Variants in EFL1 observed in about 807,000 individuals in gnomAD.
EFL1 encodes elongation factor like GTPase 1.
EFL1 carries 76 observed loss-of-function variants against 126.7 expected under a neutral mutation model. The observed-to-expected ratio is 0.60, with a 90% CI of 0.50 to 0.73. EFL1 has a LOEUF of 0.73. Among genes scored for constraint, EFL1 ranks in the 30% least tolerant of loss-of-function variants. The pLI, the probability that EFL1 is intolerant of heterozygous loss-of-function variation, is 0.00. For missense variants in EFL1, 1,128 were observed against 1,343.2 expected (o/e 0.84, Z 2.50); for synonymous variants, 410 against 448.4 (o/e 0.91, Z 1.08).
rs1363897804 is a variant in EFL1, at chr15:82,243,824, A to G, written c.245-2421T>C. Among the ~76,000 whole-genome samples the G allele has an allele frequency of 3.9e-5, 6 of 152,100 alleles. No homozygotes were observed. In the Middle Eastern group the frequency reaches 0.01, roughly 259 times the overall value. On this transcript the variant is annotated intron_variant, in intron 4 of 19. Coordinates refer to ENST00000268206, the MANE Select transcript of EFL1 (RefSeq NM_024580.6). ...ATTCATTCAGGAAGGGCAGGTTCAGATCTAGAGAGGAACTGAAAGCTAGAG... is the reference window on the plus strand; with the variant it reads ...ATTCATTCAGGAAGGGCAGGTTCAGGTCTAGAGAGGAACTGAAAGCTAGAG...
chr15:82,205,713 G>C (rs763209693), intron 15 of EFL1, among the ~76,000 whole-genome samples: 1 of 152,136 alleles, frequency 6.6e-6, no homozygotes, highest in African/African-American at 2.4e-5. Flanking sequence ...TCATTTAAGA[G>C]TAAAAGAGGA....
At chr15:82,180,359 C>CAAAAAAAAA (rs71156028) in intron 15 of EFL1, among the ~76,000 whole-genome samples, 12 of 120,600 alleles carry the variant, frequency 1.0e-4, no homozygotes, top group African/African-American at 3.7e-4. Flanking sequence ...ATTAAACTGG[C>CAAAAAAAAA]AAAAAAAAAA....
At chr15:82,161,281 T>C (rs961861573) in intron 16 of EFL1, among the ~76,000 whole-genome samples, 2 of 152,170 alleles carry the variant, frequency 1.3e-5, no homozygotes, top group Non-Finnish European at 2.9e-5. Context: ...GCAAAGTCTT[T>C]TAAGAGAGTG....
chr15:82,220,344 T>C lies in EFL1; in HGVS notation c.1293-115A>G, dbSNP rs72749581. Reference sequence around the variant, plus strand: ...GGTCCCAGCTCCATTCCAGGCAATTTTGTCCAAGTCCTCTCCCTGTCTGTA... The same window carrying C: ...GGTCCCAGCTCCATTCCAGGCAATTCTGTCCAAGTCCTCTCCCTGTCTGTA... On this transcript the variant is annotated intron_variant, in intron 12 of 19. Coordinates refer to ENST00000268206, the MANE Select transcript of EFL1 (RefSeq NM_024580.6). 10,743 of 1,339,902 alleles carry C rather than the reference T, an allele frequency of 8.0e-3. 63 individuals are homozygous for C. Among genetic ancestry groups the C allele is most frequent in the Non-Finnish European group, 8.4e-3 (8,357 of 989,748 alleles). The allele number at this position is 1,339,902 out of a possible 1,614,324, so 83.0% of individuals were successfully genotyped here.
chr15:82,187,509 T>G (rs1421503862), intron 15 of EFL1, among the ~76,000 whole-genome samples: 1 of 152,208 alleles, frequency 6.6e-6, no homozygotes, highest in East Asian at 1.9e-4. Flanking sequence ...CACATTATAT[T>G]TTGGAGATTT....
intron 15 of EFL1, among the ~76,000 whole-genome samples, chr15:82,207,192 T>TTAACCTAGTAACCTAG (rs2074533098): frequency 6.6e-6 from 1 of 151,410 alleles, no homozygotes; most frequent in African/African-American, 2.4e-5. Context: ...ATTTTAAAAA[T>TTAACCTAGTAACCTAG]TAACCTAGTA....
chr15:82,221,436 G>A (rs989504966), intron 12 of EFL1, among the ~76,000 whole-genome samples: 2 of 152,048 alleles, frequency 1.3e-5, no homozygotes, highest in Admixed American at 6.6e-5. Context: ...TCTATTTCAC[G>A]TAAGCTAACC....
At position 82,227,308 on chromosome 15, in the gene EFL1, T is replaced by C. The variant is rs1230711683; in HGVS notation, c.1192+142A>G. 4 of 1,328,182 alleles carry C rather than the reference T, an allele frequency of 3.0e-6. No homozygotes were observed. The South Asian group carries it at 5.3e-5, about 18-fold the overall frequency. 82.3% of individuals were successfully genotyped at this position (1,328,182 alleles called of 1,614,324 possible). ...GAGGCAAAACTGGTGAAATGGTCATTTGTGAAACTGTTCATCTGTGGAAGT... is the reference window on the plus strand; with the variant it reads ...GAGGCAAAACTGGTGAAATGGTCATCTGTGAAACTGTTCATCTGTGGAAGT... On this transcript the variant is annotated intron_variant, in intron 11 of 19. Transcript: ENST00000268206.
rs147922061 is a variant in EFL1 at position 82,138,144 on chromosome 15, G to A, written c.3174+514C>T. 2.9e-3 allele frequency among the ~76,000 whole-genome samples: 443 copies of A among 152,150 alleles called. 3 individuals carry two copies. The highest frequency in any genetic ancestry group is 0.01 in the African/African-American group (427 of 41,494). ...GTTCCATTCTCATTCCACAACACCT[G>A]AAAGCCACAGAAACCTTGAATCTCC... is the stretch of plus-strand genomic sequence containing the variant. On this transcript the variant is annotated intron_variant, in intron 19 of 19. Coordinates refer to ENST00000268206, the MANE Select transcript of EFL1 (RefSeq NM_024580.6).
chr15:82,213,417 G>C (rs1187568844), intron 15 of EFL1, among the ~76,000 whole-genome samples: 1 of 152,192 alleles, frequency 6.6e-6, no homozygotes, highest in Non-Finnish European at 1.5e-5. Flanking sequence ...AAGCAGAAGA[G>C]AGAGAAATGG....
At chr15:82,195,780 T>G (rs562578389) in intron 15 of EFL1, among the ~76,000 whole-genome samples, 1 of 152,248 alleles carries the variant, frequency 6.6e-6, no homozygotes, top group South Asian at 2.1e-4. Context: ...CACCCACACT[T>G]GAACATGCAT....
intron 19 of EFL1, among the ~76,000 whole-genome samples, chr15:82,134,855 C>G (rs979128455): frequency 2.0e-5 from 3 of 152,130 alleles, no homozygotes; most frequent in African/African-American, 7.2e-5. Flanking sequence ...CAAAGGTTTC[C>G]TCATGGAAAA....
At chr15:82,170,406 G>A (rs925293340) in intron 15 of EFL1, among the ~76,000 whole-genome samples, 10 of 152,094 alleles carry the variant, frequency 6.6e-5, no homozygotes, top group African/African-American at 2.2e-4. Context: ...GAGCCACCGC[G>A]CCCGGCCCCA....
intron 15 of EFL1, among the ~76,000 whole-genome samples, chr15:82,213,415 G>C (rs1338256086): frequency 6.6e-6 from 1 of 152,154 alleles, no homozygotes; most frequent in Non-Finnish European, 1.5e-5. Flanking sequence ...GGAAGCAGAA[G>C]AGAGAGAAAT....
rs149134954 is a variant in EFL1, at chr15:82,155,363, G to A, written c.2030+2350C>T. On this transcript the variant is annotated intron_variant, in intron 17 of 19. Transcript: ENST00000268206. ...CTAAAAATATAAAAGTTAGCTGGGC[G>A]TGGTGGCGTGCACCTGTAGTCCCAG... 8.5e-3 allele frequency among the ~76,000 whole-genome samples: 1,291 copies of A among 152,158 alleles called. 11 individuals carry two copies. Among genetic ancestry groups the A allele is most frequent in the Non-Finnish European group, 0.011 (763 of 67,998 alleles).
At chr15:82,257,672 A>G (rs1357275493) in intron 3 of EFL1, among the ~76,000 whole-genome samples, 3 of 152,162 alleles carry the variant, frequency 2.0e-5, no homozygotes, top group Non-Finnish European at 4.4e-5. Flanking sequence ...AGTTTCCCCT[A>G]TTATATCTAT....
intron 17 of EFL1, among the ~76,000 whole-genome samples, chr15:82,153,686 A>C (rs1440386099): frequency 6.6e-6 from 1 of 152,230 alleles, no homozygotes; most frequent in Non-Finnish European, 1.5e-5. Context: ...GAAGTTACTC[A>C]GTACATTAAA....
At chr15:82,166,818 T>C (rs970402586) in intron 15 of EFL1, among the ~76,000 whole-genome samples, 2 of 152,246 alleles carry the variant, frequency 1.3e-5, no homozygotes, top group African/African-American at 4.8e-5. Flanking sequence ...TTCTTGTCCT[T>C]CTTTTTTCTA....
In EFL1 at chr15:82,238,438, T is replaced by A; in HGVS notation, c.600A>T (p.Pro200=). Reference sequence around the variant, plus strand: ...ATACTTGCTCTCCTTGTTCAGAATTTGGATTCACTTGGGATTCAGTCTCCC... The same window carrying A: ...ATACTTGCTCTCCTTGTTCAGAATTAGGATTCACTTGGGATTCAGTCTCCC... The part of the protein sequence containing the change: ...AERETESQVN[P]NSEQGEQVYD... Residue 200 remains proline (P), a synonymous_variant, in exon 7 of 20, where the codon CCA becomes CCT. Transcript: ENST00000268206. 6.2e-7 allele frequency: 1 copy of A among 1,614,188 alleles called. No individual in the cohort carries two copies. Among genetic ancestry groups the A allele is most frequent in the Non-Finnish European group, 8.5e-7 (1 of 1,180,040 alleles).
Sources: allele counts gnomAD v4.1 joint callset (sites outside exome capture counted in the v4.1 genomes callset), GRCh38; gene constraint gnomAD v4.1.1; transcripts MANE v1.5; gene names NCBI Gene and HGNC (gene_info 2026-07-23, HGNC 2026-07-21).